Variants in NEGR1 observed in about 807,000 individuals in gnomAD.
NEGR1 encodes the protein neuronal growth regulator 1.
A neutral mutation model predicts 40.9 loss-of-function variants in NEGR1; 10 were observed. That is an observed-to-expected ratio of 0.24 (90% CI 0.15 to 0.42). The LOEUF is 0.42. Ranked by LOEUF, NEGR1 falls within the 10% of genes least tolerant of loss-of-function variation. The probability of loss-of-function intolerance (pLI) is 1.00; values close to 1 mark genes in which losing one functional copy is unlikely to be tolerated. For missense variants in NEGR1, 352 were observed against 438.9 expected (o/e 0.80, Z 1.77); for synonymous variants, 185 against 166.8 (o/e 1.11, Z -0.84).
chr1:72,143,930 T>TATATATAGATATAAAAA (rs1553145053), intron 1 of NEGR1, among the ~76,000 whole-genome samples: 2 of 140,506 alleles, frequency 1.4e-5, no homozygotes, highest in Admixed American at 7.3e-5. Flanking sequence ...TATATATATA[T>TATATATAGATATAAAAA]ATATATATAT....
intron 1 of NEGR1, among the ~76,000 whole-genome samples, chr1:72,248,360 C>G (rs890777581): frequency 3.9e-5 from 6 of 151,954 alleles, no homozygotes; most frequent in African/African-American, 1.5e-4. Context: ...CGGGTTCAAG[C>G]AATTCTCCTC....
chr1:72,143,928 T>TATATATA (rs1424397228), intron 1 of NEGR1, among the ~76,000 whole-genome samples: 2 of 116,566 alleles, frequency 1.7e-5, no homozygotes, highest in African/African-American at 6.0e-5. Context: ...TATATATATA[T>TATATATA]ATATATATAT....
At chr1:71,801,469 A>G (rs1214054125) in intron 2 of NEGR1, among the ~76,000 whole-genome samples, 1 of 152,204 alleles carries the variant, frequency 6.6e-6, no homozygotes, top group Non-Finnish European at 1.5e-5. Context: ...TGTCTAGTAC[A>G]TATCTCAACA....
At chr1:72,154,544 G>A (rs371529435) in intron 1 of NEGR1, among the ~76,000 whole-genome samples, 9 of 151,866 alleles carry the variant, frequency 5.9e-5, no homozygotes, top group Non-Finnish European at 8.8e-5. Context: ...ATGCAAGTAC[G>A]AACTCACCAA....
chr1:72,113,774 T>G (rs1649476593), intron 1 of NEGR1, among the ~76,000 whole-genome samples: 1 of 151,762 alleles, frequency 6.6e-6, no homozygotes. Flanking sequence ...GTTAGGTGAC[T>G]TCATTTTCTA....
intron 1 of NEGR1, among the ~76,000 whole-genome samples, chr1:72,171,818 G>A (rs1481211264): frequency 6.6e-6 from 1 of 152,108 alleles, no homozygotes; most frequent in Non-Finnish European, 1.5e-5. Context: ...GTTTTATGAG[G>A]AAACACCAAA....
intron 2 of NEGR1, among the ~76,000 whole-genome samples, chr1:71,912,573 C>T (rs1392440287): frequency 6.6e-6 from 1 of 152,168 alleles, no homozygotes; most frequent in African/African-American, 2.4e-5. Flanking sequence ...GTCATTCTTA[C>T]AGGATCCTGT....
intron 6 of NEGR1, among the ~76,000 whole-genome samples, chr1:71,428,413 A>G (rs1023836032): frequency 3.3e-5 from 5 of 152,214 alleles, no homozygotes; most frequent in Non-Finnish European, 2.9e-5. Flanking sequence ...TCATTTATCT[A>G]TAAAACTGCT....
At chr1:71,990,288 A>G (rs1646437992) in intron 1 of NEGR1, among the ~76,000 whole-genome samples, 1 of 152,208 alleles carries the variant, frequency 6.6e-6, no homozygotes, top group Non-Finnish European at 1.5e-5. Flanking sequence ...GAAGCGCCTC[A>G]ACAATTATGA....
chr1:71,988,923 T>TAAAAAAAAAAAAAAAAAAAAAAA lies in NEGR1; in HGVS notation c.177-53635_177-53613dup, dbSNP rs10604833. Among the ~76,000 whole-genome samples the TAAAAAAAAAAAAAAAAAAAAAAA allele has an allele frequency of 1.5e-4, 12 of 82,230 alleles. 1 individual carries two copies. Among genetic ancestry groups the TAAAAAAAAAAAAAAAAAAAAAAA allele is most frequent in the African/African-American group, 6.3e-4 (11 of 17,436 alleles). The allele number at this position is 82,230 out of a possible 152,430, so 53.9% of individuals were successfully genotyped here. ...CAATGAGCTCTATCATATTGGATGT[T>TAAAAAAAAAAAAAAAAAAAAAAA]AAAAAAAAAAAAAAAAAAAAAAAAA... is the stretch of plus-strand genomic sequence containing the variant. On this transcript the variant is annotated intron_variant, in intron 1 of 6. Transcript: ENST00000357731.
intron 6 of NEGR1, among the ~76,000 whole-genome samples, chr1:71,572,910 T>C (rs566609192): frequency 6.6e-6 from 1 of 152,176 alleles, no homozygotes; most frequent in Non-Finnish European, 1.5e-5. Flanking sequence ...CCTAATATCA[T>C]CTTGAAAGCA....
intron 1 of NEGR1, among the ~76,000 whole-genome samples, chr1:72,257,999 G>A (rs1325790150): frequency 6.6e-6 from 1 of 152,094 alleles, no homozygotes; most frequent in African/African-American, 2.4e-5. Context: ...GTCCTAAGTT[G>A]AGGATGGCAA....
intron 3 of NEGR1, among the ~76,000 whole-genome samples, chr1:71,747,467 C>A (rs1655424754): frequency 6.6e-6 from 1 of 151,552 alleles, no homozygotes; most frequent in Non-Finnish European, 1.5e-5. Context: ...CTCTGTCACC[C>A]AGGCTGGAGC....
chr1:71,685,128 A>AC (rs1478370512), intron 4 of NEGR1, among the ~76,000 whole-genome samples: 1 of 151,988 alleles, frequency 6.6e-6, no homozygotes, highest in Admixed American at 6.6e-5. Flanking sequence ...TACATTACTG[A>AC]TGTTTTCATT....
chr1:72,228,931 G>A (rs1398931111), intron 1 of NEGR1, among the ~76,000 whole-genome samples: 2 of 152,082 alleles, frequency 1.3e-5, no homozygotes, highest in Admixed American at 1.3e-4. Context: ...CTATCACTAT[G>A]TTACTAATAA....
At chr1:72,152,683 T>C (rs1651169270) in intron 1 of NEGR1, among the ~76,000 whole-genome samples, 1 of 151,986 alleles carries the variant, frequency 6.6e-6, no homozygotes, top group South Asian at 2.1e-4. Context: ...TATATGTTCA[T>C]AGCTGTTCTA....
chr1:71,654,206 G>C (rs1490517329), intron 4 of NEGR1, among the ~76,000 whole-genome samples: 1 of 152,130 alleles, frequency 6.6e-6, no homozygotes, highest in African/African-American at 2.4e-5. Context: ...CGGGTGTAGG[G>C]AAAGAACAGG....
chr1:71,621,199 T>C (rs1650597147), intron 4 of NEGR1, among the ~76,000 whole-genome samples: 1 of 151,946 alleles, frequency 6.6e-6, no homozygotes, highest in African/African-American at 2.4e-5. Context: ...GATGAGTATA[T>C]CACATTTTAC....
chr1:72,179,057 C>T (rs1337467172), intron 1 of NEGR1, among the ~76,000 whole-genome samples: 2 of 151,742 alleles, frequency 1.3e-5, no homozygotes, highest in African/African-American at 4.8e-5. Context: ...TTGCTTTTGT[C>T]TTCATCATGA....
Sources: gnomAD v4.1 joint callset for allele counts (sites outside exome capture counted in the v4.1 genomes callset) on GRCh38, gnomAD v4.1.1 for gene constraint, MANE v1.5 for transcripts, NCBI Gene and HGNC (gene_info 2026-07-23, HGNC 2026-07-21) for gene names.